The following NRN1 variants were observed in gnomAD, a reference collection of about 807,000 sequenced individuals.
NRN1 encodes neuritin 1, also known as neuritin.
Under a neutral mutation model 15.0 loss-of-function variants are expected in NRN1, and 4 were observed. The observed-to-expected ratio is 0.27, with a 90% CI of 0.13 to 0.61. The LOEUF (loss-of-function observed/expected upper bound fraction) is 0.61, where lower values mean the gene tolerates loss of function less well. NRN1 is among the 20% of genes least tolerant of loss of function. NRN1 has a pLI of 0.87. For missense variants in NRN1, 134 were observed against 181.9 expected (o/e 0.74, Z 1.51); for synonymous variants, 85 against 79.8 (o/e 1.07, Z -0.35).
At chr6:6,003,810 C>A (rs1048280611) in intron 1 of NRN1, 54 of 1,233,704 alleles carry the variant, frequency 4.4e-5, no homozygotes, top group Non-Finnish European at 5.3e-5. Flanking sequence ...GCCGGGAGGG[C>A]GCCAGAGAAG....
At chr6:6,003,608 A>C (rs1758026877) in intron 1 of NRN1, 1 of 783,908 alleles carries the variant, frequency 1.3e-6, no homozygotes, top group Non-Finnish European at 1.7e-6. Flanking sequence ...GAGGAGGAGG[A>C]AACACAGGCC....
intron 1 of NRN1, chr6:6,003,636 C>T (rs1302225403): frequency 1.8e-6 from 2 of 1,098,648 alleles, no homozygotes; most frequent in Non-Finnish European, 2.3e-6. Context: ...GGTCCAAGCC[C>T]CAAGCCCCCA....
In NRN1 at chr6:5,998,860, T is replaced by A; in HGVS notation, c.*116A>T. The A allele has an allele frequency of 1.5e-6, 1 of 680,190 alleles. No homozygotes were observed. The highest frequency in any genetic ancestry group is 1.8e-5 in the South Asian group (1 of 54,800). 42.1% of individuals were successfully genotyped at this position (680,190 alleles called of 1,614,324 possible). A position where few individuals can be genotyped will look rare whatever the true frequency, so the allele number is the denominator to read the frequency against. On this transcript the variant is annotated 3_prime_UTR_variant, in exon 3 of 3. Transcript: ENST00000244766. ...AGGATTTCCCACAATCCTATATGAG[T>A]GTTTTCAGCATCACAGAGAATCACA...
chr6:6,000,747 T>TTTTAATG (rs1757921863), intron 2 of NRN1, among the ~76,000 whole-genome samples: 1 of 134,380 alleles, frequency 7.4e-6, no homozygotes, highest in African/African-American at 3.0e-5. Flanking sequence ...TTTTTTTTTT[T>TTTTAATG]TATGTACGCC....
chr6:6,004,241 A>G (rs2151034071), intron 1 of NRN1, among the ~76,000 whole-genome samples: 1 of 152,356 alleles, frequency 6.6e-6, no homozygotes, highest in South Asian at 2.1e-4. Context: ...CGACTACAAT[A>G]CTAACAAATC....
At chr6:6,003,945 TC>T in intron 1 of NRN1, 1 of 1,225,730 alleles carries the variant, frequency 8.2e-7, no homozygotes, top group Non-Finnish European at 1.0e-6. Context: ...TGTGAATGTG[TC>T]CCGGGAGGAC....
At chr6:6,002,566 C>T (rs1005444840) in intron 1 of NRN1, 69 bp from the exon 2 acceptor site, 100 of 1,565,772 alleles carry the variant, frequency 6.4e-5, no homozygotes, top group Middle Eastern at 1.8e-4. Context: ...CCCTTTCCTG[C>T]GAGACCCTGG....
At chr6:6,002,032 C>T (rs137954022) in intron 2 of NRN1, among the ~76,000 whole-genome samples, 3 of 152,368 alleles carry the variant, frequency 2.0e-5, no homozygotes, top group African/African-American at 7.2e-5. Flanking sequence ...AGCAATCCTT[C>T]ATGCCCCTTG....
intron 2 of NRN1, among the ~76,000 whole-genome samples, chr6:6,000,273 C>A (rs975787495): frequency 4.6e-5 from 7 of 152,340 alleles, no homozygotes; most frequent in Middle Eastern, 6.8e-3. Context: ...CTCCTAGACC[C>A]ACCCCCACAA....
chr6:6,003,198 C>A, intron 1 of NRN1: 1 of 1,234,474 alleles, frequency 8.1e-7, no homozygotes, highest in East Asian at 3.2e-5. Flanking sequence ...GTGAGACCCT[C>A]GGATGCACCC....
intron 2 of NRN1, among the ~76,000 whole-genome samples, chr6:6,001,351 TG>T (rs1196785616): frequency 6.6e-6 from 1 of 152,082 alleles, no homozygotes; most frequent in Admixed American, 6.5e-5. Context: ...ACAGTTATTT[TG>T]GGGGTGGGGG....
chr6:6,002,387 G>T lies in NRN1; in HGVS notation c.166C>A (p.Leu56Met). ...GDSMANYPQG[L>M]DDKTNIKTVC... ...GTCTTGATGTTCGTCTTGTCGTCCA[G>T]GCCCTGCGGGTAGTTGGCCATGCTG... is the stretch of plus-strand genomic sequence containing the variant. The change falls in exon 2 of 3, where the codon CTG becomes ATG. Residue 56 changes from leucine to methionine, a missense_variant. Transcript: ENST00000244766. The T allele has an allele frequency of 6.2e-7, 1 of 1,614,240 alleles. No individual in the cohort carries two copies. The highest frequency in any genetic ancestry group is 1.1e-5 in the South Asian group (1 of 91,092).
intron 1 of NRN1, among the ~76,000 whole-genome samples, chr6:6,004,209 C>G (rs563173976): frequency 7.2e-5 from 11 of 152,348 alleles, no homozygotes; most frequent in African/African-American, 2.6e-4. Context: ...GTTCACCTTA[C>G]AGCGAACATT....
intron 1 of NRN1, among the ~76,000 whole-genome samples, chr6:6,004,385 A>G (rs1418033345): frequency 7.0e-6 from 1 of 143,388 alleles, no homozygotes; most frequent in Non-Finnish European, 1.5e-5. Context: ...GAAACGAAAT[A>G]AAATAAAGTC....
chr6:6,001,467 C>T (rs1013047481), intron 2 of NRN1, among the ~76,000 whole-genome samples: 10 of 152,170 alleles, frequency 6.6e-5, no homozygotes, highest in African/African-American at 2.4e-4. Context: ...TGCAGTAGGG[C>T]TCTGCTGGTT....
rs989466337 is a variant in NRN1 at position 6,002,239 on chromosome 6, C to A, written c.200+114G>T. 1.2e-5 allele frequency: 16 copies of A among 1,348,954 alleles called. No homozygotes were observed. The African/African-American group carries it at 2.2e-4, about 18-fold the overall frequency. 83.6% of individuals were successfully genotyped at this position (1,348,954 alleles called of 1,614,324 possible). On this transcript the variant is annotated intron_variant, in intron 2 of 2. Transcript: ENST00000244766. ...TTGGAGCCAGAAGGCAAGAGTGAGC[C>A]GATGCGGATTCGCGCTGGCGCTGAA...
At chr6:6,001,423 AAGGTCTGCAGCAGCTAGATTGCTGC>A (rs1414337375) in intron 2 of NRN1, among the ~76,000 whole-genome samples, 10 of 152,182 alleles carry the variant, frequency 6.6e-5, no homozygotes, top group Non-Finnish European at 1.2e-4. Context: ...GGTGTTTTCT[AAGGTCTGCAGCAGCTAGATTGCTGC>A]AGGTCCACTG....
intron 1 of NRN1, among the ~76,000 whole-genome samples, chr6:6,004,341 A>C (rs1298701078): frequency 1.3e-5 from 2 of 152,222 alleles, no homozygotes; most frequent in Admixed American, 6.5e-5. Context: ...ATCTTCCTCT[A>C]TAACGCATGT....
At chr6:6,002,641 T>A in intron 1 of NRN1, 144 bp from the exon 2 acceptor site, 1 of 1,094,276 alleles carries the variant, frequency 9.1e-7, no homozygotes, top group Non-Finnish European at 1.3e-6. Context: ...TCGCCAGTGT[T>A]AAAGGTGAAT....
Sources: gnomAD v4.1 joint callset for allele counts (sites outside exome capture counted in the v4.1 genomes callset) on GRCh38, gnomAD v4.1.1 for gene constraint, MANE v1.5 for transcripts, NCBI Gene and HGNC (gene_info 2026-07-23, HGNC 2026-07-21) for gene names.